The following LTBP1 variants were observed in gnomAD, a reference collection of about 807,000 sequenced individuals.
LTBP1 encodes latent transforming growth factor beta binding protein 1.
Under a neutral mutation model 207.6 loss-of-function variants are expected in LTBP1, and 129 were observed. That is an observed-to-expected ratio of 0.62 (90% CI 0.54 to 0.72). The LOEUF (loss-of-function observed/expected upper bound fraction) is 0.72, where lower values mean the gene tolerates loss of function less well. Ranked by LOEUF, LTBP1 falls within the 30% of genes least tolerant of loss-of-function variation. LTBP1 has a pLI of 0.00. For missense variants in LTBP1, 2,281 were observed against 2,217.2 expected, an observed-to-expected ratio of 1.03 and a Z score of -0.58; for synonymous variants, 963 against 833.7, an observed-to-expected ratio of 1.16 and a Z score of -2.67.
intron 5 of LTBP1, among the ~76,000 whole-genome samples, chr2:33,145,945 C>T (rs537087768): frequency 1.1e-3 from 171 of 152,288 alleles, no homozygotes; most frequent in African/African-American, 4.0e-3. Context: ...CAGTAATTAT[C>T]ATTTCCCTTC....
intron 7 of LTBP1, among the ~76,000 whole-genome samples, chr2:33,206,655 C>T (rs568935115): frequency 2.6e-5 from 4 of 150,974 alleles, no homozygotes; most frequent in South Asian, 2.1e-4. Flanking sequence ...AGGAGAATGG[C>T]GTGAACCTGG....
At chr2:33,381,396 G>A (rs1263360352) in intron 31 of LTBP1, among the ~76,000 whole-genome samples, 1 of 152,186 alleles carries the variant, frequency 6.6e-6, no homozygotes, top group Admixed American at 6.5e-5. Context: ...CTAAAATGAG[G>A]AGGGTAACAT....
At chr2:33,320,498 G>A (rs2094339130) in intron 24 of LTBP1, among the ~76,000 whole-genome samples, 1 of 151,990 alleles carries the variant, frequency 6.6e-6, no homozygotes, top group South Asian at 2.1e-4. Context: ...GGTCAGAATC[G>A]GCTTTTCTGC....
chr2:33,260,757 T>G (rs950414577), intron 13 of LTBP1, among the ~76,000 whole-genome samples: 2 of 152,220 alleles, frequency 1.3e-5, no homozygotes, highest in Non-Finnish European at 2.9e-5. Context: ...TTTTGTTGAT[T>G]TTGAATTTAG....
At chr2:33,382,949 G>A (rs1451481660) in intron 31 of LTBP1, among the ~76,000 whole-genome samples, 1 of 152,190 alleles carries the variant, frequency 6.6e-6, no homozygotes, top group East Asian at 1.9e-4. Flanking sequence ...CAGTATTGTG[G>A]CAATACCCAA....
At chr2:33,138,181 G>A (rs1189122058) in intron 5 of LTBP1, among the ~76,000 whole-genome samples, 1 of 152,156 alleles carries the variant, frequency 6.6e-6, no homozygotes, top group Non-Finnish European at 1.5e-5. Flanking sequence ...GTGAGTCTGG[G>A]CTTTCCAGGT....
chr2:33,105,956 C>T (rs1348108163), intron 3 of LTBP1, among the ~76,000 whole-genome samples: 2 of 152,180 alleles, frequency 1.3e-5, no homozygotes, highest in African/African-American at 4.8e-5. Context: ...GAAAGTCAGT[C>T]CTCTCAAATC....
chr2:33,279,288 T>G (rs2093509021), intron 18 of LTBP1, among the ~76,000 whole-genome samples: 1 of 152,184 alleles, frequency 6.6e-6, no homozygotes, highest in Non-Finnish European at 1.5e-5. Flanking sequence ...TTTGACAATT[T>G]TTAAAAATGC....
chr2:33,277,355 G>A lies in LTBP1; in HGVS notation c.2992+1432G>A, dbSNP rs189099142. On this transcript the variant is annotated intron_variant, in intron 18 of 33. Coordinates refer to ENST00000404816, the MANE Select transcript of LTBP1 (RefSeq NM_206943.4). The stretch of plus-strand genomic sequence containing the variant: ...AAGCACAGGTGTAAAGTGTCTCCAC[G>A]CTGCTCTTCCAGGGAACTCTCCTCT... 8.4e-4 allele frequency among the ~76,000 whole-genome samples: 128 copies of A among 152,202 alleles called. 2 individuals are homozygous for A. The highest frequency in any genetic ancestry group is 9.2e-4 in the Admixed American group (14 of 15,290).
chr2:33,208,278 A>G (rs2090026631), intron 7 of LTBP1, among the ~76,000 whole-genome samples: 1 of 152,206 alleles, frequency 6.6e-6, no homozygotes, highest in Non-Finnish European at 1.5e-5. Context: ...GTGACTTTAT[A>G]ATGGTCACAG....
At chr2:33,250,448 G>T (rs1573424977) in intron 10 of LTBP1, among the ~76,000 whole-genome samples, 1 of 152,112 alleles carries the variant, frequency 6.6e-6, no homozygotes, top group Admixed American at 6.5e-5. Flanking sequence ...AGAACACTGA[G>T]GTTTAACAGA....
intron 9 of LTBP1, among the ~76,000 whole-genome samples, chr2:33,242,660 A>AGCACCAT (rs1397929970): frequency 6.6e-6 from 1 of 150,770 alleles, no homozygotes; most frequent in African/African-American, 2.4e-5. Flanking sequence ...AGTCCAGTCA[A>AGCACCAT]GCACCATGCA....
rs369576828 is a variant in LTBP1, at chr2:33,384,315, G to A, written c.4712-4869G>A. Among the ~76,000 whole-genome samples the A allele has an allele frequency of 4.3e-4, 65 of 152,294 alleles. No homozygotes were observed. The South Asian group carries it at 0.012, about 28-fold the overall frequency. On this transcript the variant is annotated intron_variant, in intron 31 of 33. Transcript: ENST00000404816. ...CTTGTTTAGACTACTTAGCGACGGC[G>A]TCCCATAGCATCCCTTATGTATCTT... is the stretch of plus-strand genomic sequence containing the variant.
intron 32 of LTBP1, 89 bp downstream of exon 32, chr2:33,389,395 A>G: frequency 6.4e-7 from 1 of 1,552,648 alleles, no homozygotes; most frequent in Non-Finnish European, 8.8e-7. Context: ...CTTGTTAGCA[A>G]TGCAGCATTT....
intron 10 of LTBP1, among the ~76,000 whole-genome samples, chr2:33,250,370 C>T (rs938142486): frequency 6.6e-6 from 1 of 152,270 alleles, no homozygotes; most frequent in Non-Finnish European, 1.5e-5. Context: ...ATCTGGTGCT[C>T]ACCCCCTCCA....
intron 7 of LTBP1, among the ~76,000 whole-genome samples, chr2:33,194,427 A>G (rs1425876891): frequency 1.3e-5 from 2 of 152,240 alleles, no homozygotes; most frequent in African/African-American, 4.8e-5. Flanking sequence ...GAAGGAAATT[A>G]AAAGTGCTAC....
chr2:33,387,504 A>T (rs891949117), intron 31 of LTBP1, among the ~76,000 whole-genome samples: 7 of 152,230 alleles, frequency 4.6e-5, no homozygotes, highest in African/African-American at 1.7e-4. Context: ...TGTTCCTGGA[A>T]TGCTTCCACA....
intron 8 of LTBP1, among the ~76,000 whole-genome samples, chr2:33,219,529 G>T (rs113814987): frequency 0.014 from 2,059 of 152,154 alleles, 17 homozygotes; most frequent in Middle Eastern, 0.024. Context: ...CGTTGAAGAG[G>T]CGTTGCCATC....
intron 5 of LTBP1, among the ~76,000 whole-genome samples, chr2:33,175,143 C>A (rs1224115901): frequency 6.6e-6 from 1 of 151,416 alleles, no homozygotes; most frequent in Non-Finnish European, 1.5e-5. Context: ...CAACAAAAGC[C>A]AGAATTGACA....
Sources: allele counts gnomAD v4.1 joint callset (sites outside exome capture counted in the v4.1 genomes callset), GRCh38; gene constraint gnomAD v4.1.1; transcripts MANE v1.5; gene names NCBI Gene and HGNC (gene_info 2026-07-23, HGNC 2026-07-21).